Variants in PTCHD4 observed in about 807,000 individuals in gnomAD.
PTCHD4 encodes the protein patched domain-containing protein 4.
A neutral mutation model predicts 58.1 loss-of-function variants in PTCHD4; 33 were observed. The observed-to-expected ratio is 0.57, with a 90% confidence interval of 0.43 to 0.76. PTCHD4 has a LOEUF of 0.76. PTCHD4 is among the 30% of genes least tolerant of loss of function. PTCHD4 has a pLI of 0.00. For missense variants in PTCHD4, 1,058 were observed against 1,027.1 expected (o/e 1.03, Z -0.41); for synonymous variants, 478 against 409.6 (o/e 1.17, Z -2.02).
At chr6:47,947,258 A>C (rs1766459035) in intron 4 of PTCHD4, among the ~76,000 whole-genome samples, 1 of 152,166 alleles carries the variant, frequency 6.6e-6, no homozygotes, top group South Asian at 2.1e-4. Flanking sequence ...TTATATTGAT[A>C]TGCTACTTTC....
At chr6:48,034,737 C>A (rs984110902) in intron 3 of PTCHD4, among the ~76,000 whole-genome samples, 4 of 152,198 alleles carry the variant, frequency 2.6e-5, no homozygotes, top group Admixed American at 6.6e-5. Context: ...ACCACAAGCA[C>A]CATATTTTAT....
intron 1 of PTCHD4, among the ~76,000 whole-genome samples, chr6:48,078,978 G>C (rs148303273): frequency 0.16 from 24,054 of 151,912 alleles, 1,947 homozygotes; most frequent in African/African-American, 0.21. Flanking sequence ...AATTAGCCGG[G>C]CGTGGTGCCG....
intron 4 of PTCHD4, chr6:47,901,780 C>T (rs572944138): frequency 7.4e-5 from 92 of 1,238,024 alleles, no homozygotes; most frequent in South Asian, 3.6e-4. Flanking sequence ...ATGATGATGA[C>T]GATGATGATG....
At chr6:47,972,817 T>C (rs1767566715) in intron 4 of PTCHD4, among the ~76,000 whole-genome samples, 2 of 152,152 alleles carry the variant, frequency 1.3e-5, no homozygotes, top group East Asian at 3.9e-4. Context: ...TACACTTGTC[T>C]TTTTACTTTT....
rs528954642 is a variant in PTCHD4, at chr6:48,106,140, C to T, written c.-970+4909G>A. Among the ~76,000 whole-genome samples, 24 of 152,080 alleles carry T rather than the reference C, an allele frequency of 1.6e-4. No individual in the cohort carries two copies. The South Asian group carries it at 4.6e-3, about 29-fold the overall frequency. On this transcript the variant is annotated intron_variant, in intron 1 of 4. Coordinates refer to ENST00000339488, the MANE Select transcript of PTCHD4 (RefSeq NM_001384253.1). ...TCCTGATACCAAAGCCGGGCAGAGACGCAACAAAAAAAGAGAATTTTAGAC... is the reference window on the plus strand; with the variant it reads ...TCCTGATACCAAAGCCGGGCAGAGATGCAACAAAAAAAGAGAATTTTAGAC...
At chr6:48,078,002 G>A (rs913462269) in intron 1 of PTCHD4, among the ~76,000 whole-genome samples, 17 of 152,176 alleles carry the variant, frequency 1.1e-4, no homozygotes, top group Non-Finnish European at 1.9e-4. Flanking sequence ...CAATAAACTC[G>A]TTCAATGCAG....
chr6:47,985,111 T>C (rs1001801175), intron 4 of PTCHD4, among the ~76,000 whole-genome samples: 1 of 152,164 alleles, frequency 6.6e-6, no homozygotes, highest in Non-Finnish European at 1.5e-5. Context: ...TATCTTTTCA[T>C]ATGATTCCTT....
chr6:48,109,524 A>G (rs1322294230), intron 1 of PTCHD4, among the ~76,000 whole-genome samples: 1 of 152,130 alleles, frequency 6.6e-6, no homozygotes, highest in African/African-American at 2.4e-5. Context: ...ACACCAAAAT[A>G]TCAGGCAAAA....
chr6:47,884,772 G>A (rs369344553), intron 4 of PTCHD4, among the ~76,000 whole-genome samples: 6 of 152,314 alleles, frequency 3.9e-5, no homozygotes, highest in Middle Eastern at 3.4e-3. Flanking sequence ...AAGTAGGGCT[G>A]TATGCTGTGT....
chr6:48,079,388 A>G (rs528424417), intron 1 of PTCHD4, among the ~76,000 whole-genome samples: 1 of 152,296 alleles, frequency 6.6e-6, no homozygotes, highest in Non-Finnish European at 1.5e-5. Context: ...CACACTCACC[A>G]TTAAAGAGGC....
intron 4 of PTCHD4, among the ~76,000 whole-genome samples, chr6:47,920,880 A>G (rs1765410582): frequency 6.6e-6 from 1 of 152,180 alleles, no homozygotes; most frequent in Admixed American, 6.5e-5. Context: ...CCTATTGAGA[A>G]CAGCTAAATA....
At chr6:48,080,246 C>A (rs544572031) in intron 1 of PTCHD4, among the ~76,000 whole-genome samples, 1 of 152,044 alleles carries the variant, frequency 6.6e-6, no homozygotes, top group South Asian at 2.1e-4. Context: ...AATATTCAGC[C>A]TTTTAGCTAA....
intron 3 of PTCHD4, among the ~76,000 whole-genome samples, chr6:48,018,564 A>T (rs1762945965): frequency 1.3e-5 from 2 of 152,192 alleles, no homozygotes; most frequent in African/African-American, 2.4e-5. Context: ...ATGGAGAAGG[A>T]TAAGGAATTT....
rs1236482615 is a variant in PTCHD4 at position 48,103,465 on chromosome 6, T to A, written c.-970+7584A>T. ...AAAATCCATCTGTACGTCACCATCA[T>A]CAAAGACCAAAGGTAGATAAAACCA... is the stretch of plus-strand genomic sequence containing the variant. On this transcript the variant is annotated intron_variant, in intron 1 of 4. Transcript: ENST00000339488. Among the ~76,000 whole-genome samples, 4 of 152,082 alleles carry A rather than the reference T, an allele frequency of 2.6e-5. No individual in the cohort carries two copies. In the East Asian group the frequency reaches 5.8e-4, roughly 22 times the overall value.
At chr6:47,939,112 G>T (rs889558553) in intron 4 of PTCHD4, among the ~76,000 whole-genome samples, 3 of 152,154 alleles carry the variant, frequency 2.0e-5, no homozygotes, top group Admixed American at 6.5e-5. Context: ...GTTCTTTGGA[G>T]AAGAGGTAGC....
rs1240265132 is a variant in PTCHD4, at chr6:47,878,614, G to C, written c.2221C>G (p.Arg741Gly). 6.2e-7 allele frequency: 1 copy of C among 1,613,390 alleles called. No homozygotes were observed. Among genetic ancestry groups the C allele is most frequent in the African/African-American group, 1.3e-5 (1 of 74,846 alleles). The change falls in exon 5 of 5, where the codon CGA becomes GGA. Residue 741 changes from arginine to glycine, a missense_variant. Arg to Gly is a moderately radical substitution (Grantham distance 125, BLOSUM62 -2). Transcript: ENST00000339488. ...FTFVLATEHT[R>G]TQCIKSSLQD... ...AAGGAGCTTTTTATACATTGTGTTC[G>C]GGTGTGCTCAGTTGCTAATACAAAT...
chr6:48,061,169 G>A (rs1165030099), intron 3 of PTCHD4, among the ~76,000 whole-genome samples: 1 of 152,088 alleles, frequency 6.6e-6, no homozygotes, highest in Non-Finnish European at 1.5e-5. Context: ...TGCCACTATT[G>A]TGAAATAACT....
intron 4 of PTCHD4, among the ~76,000 whole-genome samples, chr6:47,885,232 G>A (rs1764153310): frequency 6.6e-6 from 1 of 152,066 alleles, no homozygotes; most frequent in Non-Finnish European, 1.5e-5. Flanking sequence ...AAAACTGGGA[G>A]AAAAATTCAA....
intron 4 of PTCHD4, among the ~76,000 whole-genome samples, chr6:47,975,920 G>A (rs1767675519): frequency 6.6e-6 from 1 of 152,136 alleles, no homozygotes; most frequent in African/African-American, 2.4e-5. Context: ...ACTTATCTAT[G>A]CTTTGATCCC....
Sources: gnomAD v4.1 joint callset for allele counts (sites outside exome capture counted in the v4.1 genomes callset) on GRCh38, gnomAD v4.1.1 for gene constraint, MANE v1.5 for transcripts, NCBI Gene and HGNC (gene_info 2026-07-23, HGNC 2026-07-21) for gene names.